Variants in AMPD1 observed in about 807,000 individuals in gnomAD.
AMPD1 encodes the protein adenosine monophosphate deaminase 1.
A neutral mutation model predicts 82.9 loss-of-function variants in AMPD1; 74 were observed. That is an observed-to-expected ratio of 0.89 (90% CI 0.74 to 1.08). The LOEUF is 1.08. Among genes scored for constraint, AMPD1 ranks in the 50% least tolerant of loss-of-function variants. The pLI, the probability that AMPD1 is intolerant of heterozygous loss-of-function variation, is 0.00. For missense variants in AMPD1, 881 were observed against 924.5 expected, an observed-to-expected ratio of 0.95 and a Z score of 0.61; for synonymous variants, 333 against 320.5, an observed-to-expected ratio of 1.04 and a Z score of -0.42.
In AMPD1 at chr1:114,688,633, G is replaced by C. The variant is rs61752479; in HGVS notation, c.143C>G (p.Pro48Arg). 6.2e-7 allele frequency: 1 copy of C among 1,614,026 alleles called. No individual in the cohort carries two copies. Among genetic ancestry groups the C allele is most frequent in the East Asian group, 2.2e-5 (1 of 44,886 alleles). ...TGCTTGCATCTCATGATGAGAAATC[G>C]GACAGATCTCATCCACATCAAAGGG... ...ISPFDVDEIC[P>R]ISHHEMQAHI... Residue 48 changes from proline (P) to arginine (R), a missense_variant, in exon 3 of 16, where the codon CCG becomes CGG. This residue lies in a region of AMPD1 where 783 missense variants were observed against 786.4 expected (regional missense o/e 1.00). Coordinates refer to ENST00000520113, the MANE Select transcript of AMPD1 (RefSeq NM_000036.3).
Position 114,673,192 on chromosome 1 carries a change from T to G in AMPD1, c.2166A>C (p.Gln722His). ...TTTCATAGCGATAGGCCATGCGGATTTGGGCTACATTTGTCCTCCGGATAT... is the reference window on the plus strand; with the variant it reads ...TTTCATAGCGATAGGCCATGCGGATGTGGGCTACATTTGTCCTCCGGATAT... ...GNDIRRTNVAQIRMAYRYETW... is the reference protein window; with the variant it reads ...GNDIRRTNVAHIRMAYRYETW... The change falls in exon 16 of 16, where the codon CAA becomes CAC. Residue 722 changes from glutamine (Q) to histidine (H), a missense_variant. By Grantham distance (24) the Gln-to-His change is conservative. Coordinates refer to ENST00000520113, the MANE Select transcript of AMPD1 (RefSeq NM_000036.3). 1 of 1,614,174 alleles carries G rather than the reference T, an allele frequency of 6.2e-7. No individual in the cohort carries two copies. Among genetic ancestry groups the G allele is most frequent in the Admixed American group, 1.7e-5 (1 of 60,026 alleles).
rs148919817 is a variant in AMPD1 at position 114,680,535 on chromosome 1, A to T, written c.548-57T>A. 0.083 allele frequency: 119,195 copies of T among 1,444,102 alleles called. 5,391 individuals carry two copies. The highest frequency in any genetic ancestry group is 0.12 in the Middle Eastern group (653 of 5,664). 89.5% of individuals were successfully genotyped at this position (1,444,102 alleles called of 1,614,324 possible). A position where few individuals can be genotyped will look rare whatever the true frequency, so the allele number is the denominator to read the frequency against. On this transcript the variant is annotated intron_variant, in intron 5 of 15. Transcript: ENST00000520113. ...GCACATAGGATGAACGACCACATAA[A>T]AATAACCAAAATGTGAAATACTACA...
intron 15 of AMPD1, 23 bp from the exon 16 acceptor site, chr1:114,673,295 A>G: frequency 1.2e-6 from 2 of 1,613,520 alleles, no homozygotes; most frequent in Non-Finnish European, 1.7e-6. Flanking sequence ...AGGATGGCAG[A>G]ATGATTGTTG....
intron 8 of AMPD1, 53 bp from the exon 9 acceptor site, chr1:114,678,094 G>T (rs2101714537): frequency 5.6e-6 from 9 of 1,608,584 alleles, no homozygotes; most frequent in Non-Finnish European, 7.6e-6. Flanking sequence ...TGTCTGGACA[G>T]AGAGAGCTAG....
rs1658580888 is a variant in AMPD1, at chr1:114,693,452, A to G, written c.23-5T>C. On this transcript the variant is annotated splice_region_variant and splice_polypyrimidine_tract_variant and intron_variant, in intron 1 of 15. Transcript: ENST00000520113. ...AATACTCACGTTTCTCTTCAGCTGT[A>G]TGAAGTAAAATAAAACAAGATAAAA... 3 of 1,608,570 alleles carry G rather than the reference A, an allele frequency of 1.9e-6. No homozygotes were observed. The highest frequency in any genetic ancestry group is 3.3e-5 in the Admixed American group (2 of 59,978).
chr1:114,687,811 G>A (rs1282161641), intron 3 of AMPD1, among the ~76,000 whole-genome samples: 1 of 152,154 alleles, frequency 6.6e-6, no homozygotes, highest in Non-Finnish European at 1.5e-5. Flanking sequence ...AAGGCCAGGA[G>A]GTGGTCAGAC....
At chr1:114,684,842 T>C (rs745327226) in intron 4 of AMPD1, among the ~76,000 whole-genome samples, 1 of 152,186 alleles carries the variant, frequency 6.6e-6, no homozygotes, top group Non-Finnish European at 1.5e-5. Flanking sequence ...CACAAATCTC[T>C]CAAACCCATG....
chr1:114,676,696 T>G (rs7531877), intron 10 of AMPD1, among the ~76,000 whole-genome samples: 4,009 of 152,276 alleles, frequency 0.026, 93 homozygotes, highest in Non-Finnish European at 0.034. Context: ...AAAATTACTT[T>G]TTTTGGTTAA....
chr1:114,680,568 A>C, intron 5 of AMPD1, 90 bp from the exon 6 acceptor site: 553 of 1,052,066 alleles, frequency 5.3e-4, no homozygotes, highest in Non-Finnish European at 7.4e-4. Flanking sequence ...ACAACATCTC[A>C]TTAGCTTGGA....
Position 114,684,305 on chromosome 1 carries a change from A to C in AMPD1, c.441T>G (p.Arg147=), listed in dbSNP as rs768848480. The change falls in exon 5 of 16, where the codon CGT becomes CGG. Residue 147 remains arginine, a synonymous_variant. Coordinates refer to ENST00000520113, the MANE Select transcript of AMPD1 (RefSeq NM_000036.3). ...CKGLYRALCI[R]EKYMQKSFQR... ...GAAACGACTTCTGCATGTATTTCTCACGTATGCATAGTGCCCGATACAGAC... is the reference window on the plus strand; with the variant it reads ...GAAACGACTTCTGCATGTATTTCTCCCGTATGCATAGTGCCCGATACAGAC... 2 of 1,613,962 alleles carry C rather than the reference A, an allele frequency of 1.2e-6. No homozygotes were observed. The highest frequency in any genetic ancestry group is 1.7e-6 in the Non-Finnish European group (2 of 1,179,998).
chr1:114,677,699 G>A (rs573672246), intron 9 of AMPD1, among the ~76,000 whole-genome samples, 185 bp from the exon 10 acceptor site: 2 of 152,162 alleles, frequency 1.3e-5, no homozygotes, highest in South Asian at 2.1e-4. Flanking sequence ...AATCATTAGA[G>A]TGGATGTGTC....
chr1:114,690,676 A>G (rs1321668485), intron 2 of AMPD1, among the ~76,000 whole-genome samples: 1 of 152,214 alleles, frequency 6.6e-6, no homozygotes, highest in Non-Finnish European at 1.5e-5. Context: ...TGGAACACCA[A>G]GTAAATGCAT....
At chr1:114,680,842 C>T (rs1658137844) in intron 5 of AMPD1, among the ~76,000 whole-genome samples, 1 of 152,084 alleles carries the variant, frequency 6.6e-6, no homozygotes, top group Non-Finnish European at 1.5e-5. Context: ...GCGGCGTGTG[C>T]CTGTTACCTC....
At chr1:114,675,350 A>G (rs1237950175) in intron 12 of AMPD1, among the ~76,000 whole-genome samples, 180 bp downstream of exon 12, 2 of 152,200 alleles carry the variant, frequency 1.3e-5, no homozygotes, top group Non-Finnish European at 2.9e-5. Context: ...GCATCGAAAT[A>G]CCGATTTCTG....
chr1:114,684,429 G>A (rs565341460), intron 4 of AMPD1, 65 bp from the exon 5 acceptor site: 10 of 1,553,532 alleles, frequency 6.4e-6, no homozygotes, highest in South Asian at 2.2e-5. Flanking sequence ...AGTGAGTAAA[G>A]CTTATCCTTG....
intron 5 of AMPD1, 77 bp downstream of exon 5, chr1:114,684,122 C>T: frequency 1.4e-6 from 2 of 1,445,074 alleles, no homozygotes; most frequent in Non-Finnish European, 1.9e-6. Context: ...TACTTATAAT[C>T]TAGAGGCATA....
At chr1:114,682,467 G>A (rs150895987) in intron 5 of AMPD1, among the ~76,000 whole-genome samples, 229 of 152,206 alleles carry the variant, frequency 1.5e-3, no homozygotes, top group African/African-American at 5.3e-3. Flanking sequence ...CCACTGTTAT[G>A]TGTTACCAAA....
intron 11 of AMPD1, 79 bp downstream of exon 11, chr1:114,675,798 A>C (rs1657964708): frequency 6.2e-7 from 1 of 1,613,430 alleles, no homozygotes; most frequent in African/African-American, 1.3e-5. Flanking sequence ...TAAAGAGATA[A>C]GCACCAAGAA....
rs1261989648 is a variant in AMPD1, at chr1:114,693,447, G to A, written c.23C>T (p.Ala8Val). 6.2e-7 allele frequency: 1 copy of A among 1,608,736 alleles called. No individual in the cohort carries two copies. The highest frequency in any genetic ancestry group is 1.7e-5 in the Admixed American group (1 of 59,974). ...AATGCAATACTCACGTTTCTCTTCAGCTGTATGAAGTAAAATAAAACAAGA... is the reference window on the plus strand; with the variant it reads ...AATGCAATACTCACGTTTCTCTTCAACTGTATGAAGTAAAATAAAACAAGA... MPLFKLPAEEKQIDDAMR... is the reference protein window; with the variant it reads MPLFKLPVEEKQIDDAMR... The change falls in exon 2 of 16, where the codon GCT (alanine) becomes GTT (valine). Residue 8 changes from alanine to valine, a missense_variant and splice_region_variant. Transcript: ENST00000520113.
Sources: allele counts gnomAD v4.1 joint callset (sites outside exome capture counted in the v4.1 genomes callset), GRCh38; gene constraint gnomAD v4.1.1; regional missense constraint gnomAD v4.1.1; transcripts MANE v1.5; gene names NCBI Gene and HGNC (gene_info 2026-07-23, HGNC 2026-07-21).